The following SORL1 variants were observed in gnomAD, a reference collection of about 807,000 sequenced individuals.
SORL1 encodes sortilin-related receptor.
SORL1 carries 127 observed loss-of-function variants against 273.7 expected under a neutral mutation model. The observed-to-expected ratio is 0.46, with a 90% confidence interval of 0.40 to 0.54. The LOEUF (loss-of-function observed/expected upper bound fraction) is 0.54, where lower values mean the gene tolerates loss of function less well. Ranked by LOEUF, SORL1 falls within the 20% of genes least tolerant of loss-of-function variation. SORL1 has a pLI of 0.00. For missense variants in SORL1, 2,494 were observed against 2,846.1 expected (o/e 0.88, Z 2.81); for synonymous variants, 1,031 against 1,067.4 (o/e 0.97, Z 0.66).
chr11:121,625,061 G>T, intron 45 of SORL1, 24 bp from the exon 46 acceptor site: 1 of 1,557,206 alleles, frequency 6.4e-7, no homozygotes, highest in South Asian at 1.2e-5. Context: ...GACTTCCTGA[G>T]CAATCTCTTG....
chr11:121,485,812 A>C (rs1389959051), intron 3 of SORL1, among the ~76,000 whole-genome samples: 2 of 152,240 alleles, frequency 1.3e-5, no homozygotes, highest in Non-Finnish European at 2.9e-5. Flanking sequence ...TTTTTATAAC[A>C]TTGCATTTTA....
chr11:121,550,810 CT>C lies in SORL1; in HGVS notation c.2266+144del, dbSNP rs1862498365. 3 of 659,922 alleles carry C rather than the reference CT, an allele frequency of 4.5e-6. No individual in the cohort carries two copies. In the East Asian group the frequency reaches 8.4e-5, roughly 18 times the overall value. The allele number at this position is 659,922 out of a possible 1,614,324, so 40.9% of individuals were successfully genotyped here. ...CGTCACAAGCATCACAGGGCTTCCT[CT>C]TTTCCCTAAGGTTGGTTTCCACACT... On this transcript the variant is annotated intron_variant, in intron 16 of 47. Transcript: ENST00000260197. This position sits in a 1 kb window ranked among gnomAD's most constrained non-coding sequence, Gnocchi z 5.3.
At chr11:121,614,052 G>A (rs2134937131) in intron 40 of SORL1, among the ~76,000 whole-genome samples, 1 of 152,288 alleles carries the variant, frequency 6.6e-6, no homozygotes, top group East Asian at 1.9e-4. Flanking sequence ...TATAGAGTCA[G>A]GCCTTAAACC....
At position 121,621,088 on chromosome 11, in the gene SORL1, C is replaced by A; in HGVS notation, c.5914C>A (p.Leu1972Ile). Reference sequence around the variant, plus strand: ...GTTGTATGCAGTTGCAGTCAAAGATCTCATAAGAAAGACTGACAGGAGCTA... The same window carrying A: ...GTTGTATGCAGTTGCAGTCAAAGATATCATAAGAAAGACTGACAGGAGCTA... ...DLLYAVAVKD[L>I]IRKTDRSYKV... Residue 1972 changes from leucine to isoleucine, a missense_variant, in exon 44 of 48, where the codon CTC (leucine) becomes ATC (isoleucine). By Grantham distance (5) the Leu-to-Ile change is conservative. Transcript: ENST00000260197. 2 of 1,611,288 alleles carry A rather than the reference C, an allele frequency of 1.2e-6. No individual in the cohort carries two copies. The highest frequency in any genetic ancestry group is 4.5e-5 in the East Asian group (2 of 44,836).
intron 12 of SORL1, among the ~76,000 whole-genome samples, chr11:121,538,065 T>G (rs1862292247): frequency 6.6e-6 from 1 of 152,216 alleles, no homozygotes; most frequent in South Asian, 2.1e-4. Flanking sequence ...CCCAATAGCC[T>G]GAAACATGCA....
At chr11:121,496,764 A>C in intron 5 of SORL1, 105 bp from the exon 6 acceptor site, 1 of 869,692 alleles carries the variant, frequency 1.1e-6, no homozygotes, top group South Asian at 1.7e-5. Flanking sequence ...TGTGGGTCAC[A>C]CCATGGTAGG....
rs1862630991 is a variant in SORL1 at position 121,558,774 on chromosome 11, T to C, written c.2847T>C (p.Ser949=). Residue 949 remains serine, a synonymous_variant, in exon 20 of 48, where the codon AGT becomes AGC. Transcript: ENST00000260197. ...YLECIERITF[S]GQQRSVILDN... is the part of the protein sequence containing the mutation. ...AGTGCATAGAGCGGATCACGTTCAGTGGCCAGCAGCGCTCTGTCATTCTGG... is the reference window on the plus strand; with the variant it reads ...AGTGCATAGAGCGGATCACGTTCAGCGGCCAGCAGCGCTCTGTCATTCTGG... 3 of 1,614,144 alleles carry C rather than the reference T, an allele frequency of 1.9e-6. No homozygotes were observed. Among genetic ancestry groups the C allele is most frequent in the Non-Finnish European group, 2.5e-6 (3 of 1,180,020 alleles).
At chr11:121,543,843 T>A in intron 13 of SORL1, 117 bp downstream of exon 13, 1 of 914,492 alleles carries the variant, frequency 1.1e-6, no homozygotes. Context: ...TTGGGGGAGA[T>A]GGGCCCATAA....
chr11:121,522,998 C>G lies in SORL1; in HGVS notation c.1596+9C>G. 1.3e-6 allele frequency: 2 copies of G among 1,594,642 alleles called. No homozygotes were observed. Among genetic ancestry groups the G allele is most frequent in the Admixed American group, 1.7e-5 (1 of 59,998 alleles). Reference sequence around the variant, plus strand: ...GAGCCAGGTGGCGAGAGGTCAGCCCCCTCCCCCAATCCCGTCCCCTCCACC... The same window carrying G: ...GAGCCAGGTGGCGAGAGGTCAGCCCGCTCCCCCAATCCCGTCCCCTCCACC... On this transcript the variant is annotated intron_variant, in intron 11 of 47. Coordinates refer to ENST00000260197, the MANE Select transcript of SORL1 (RefSeq NM_003105.6).
intron 16 of SORL1, among the ~76,000 whole-genome samples, chr11:121,551,092 A>G (rs888458896): frequency 2.0e-5 from 3 of 152,226 alleles, no homozygotes; most frequent in Admixed American, 6.5e-5. Context: ...TAAAATTTTA[A>G]TGGAATTTTA....
chr11:121,458,511 G>A (rs1403793858), intron 1 of SORL1, among the ~76,000 whole-genome samples: 1 of 152,162 alleles, frequency 6.6e-6, no homozygotes, highest in Non-Finnish European at 1.5e-5. Context: ...TCCAGAGGTG[G>A]TCTGGGCTGT....
chr11:121,530,983 T>C (rs889044412), intron 11 of SORL1, among the ~76,000 whole-genome samples: 12 of 152,250 alleles, frequency 7.9e-5, no homozygotes, highest in African/African-American at 1.9e-4. Context: ...TTTTCTGTTA[T>C]AAAATTTGTT....
At chr11:121,575,225 T>C (rs1259012329) in intron 24 of SORL1, among the ~76,000 whole-genome samples, 2 of 152,228 alleles carry the variant, frequency 1.3e-5, no homozygotes, top group African/African-American at 4.8e-5. Flanking sequence ...ATGTCTCCCA[T>C]TTTCTAATCC....
Position 121,577,097 on chromosome 11 carries a change from C to T in SORL1, c.3461-184C>T, listed in dbSNP as rs543604995. The stretch of plus-strand genomic sequence containing the variant: ...TCTCAGCCCACCTGTAACCCATTTG[C>T]AGCACACTGACTGGAAGCTGTTAAA... On this transcript the variant is annotated intron_variant, in intron 24 of 47. Coordinates refer to ENST00000260197, the MANE Select transcript of SORL1 (RefSeq NM_003105.6). 99 of 1,100,458 alleles carry T rather than the reference C, an allele frequency of 9.0e-5. No individual in the cohort carries two copies. In the South Asian group the frequency reaches 1.0e-3, roughly 12 times the overall value. The allele number at this position is 1,100,458 out of a possible 1,614,324, so 68.2% of individuals were successfully genotyped here. A position where few individuals can be genotyped will look rare whatever the true frequency, so the allele number is the denominator to read the frequency against.
At chr11:121,564,012 A>T (rs1035054199) in intron 21 of SORL1, among the ~76,000 whole-genome samples, 1 of 152,232 alleles carries the variant, frequency 6.6e-6, no homozygotes, top group Admixed American at 6.5e-5. Context: ...TCCAAACAGG[A>T]AATGTGAAAA....
Position 121,545,237 on chromosome 11 carries a change from C to T in SORL1, c.1865-6C>T. On this transcript the variant is annotated splice_polypyrimidine_tract_variant and splice_region_variant and intron_variant, in intron 13 of 47. Transcript: ENST00000260197. ...AATGCTTCGTGCTGTGTTCCTTTTT[C>T]TTTAGGAGTTCCCTGCACAGAGAAT... 1 of 1,613,898 alleles carries T rather than the reference C, an allele frequency of 6.2e-7. No homozygotes were observed. Among genetic ancestry groups the T allele is most frequent in the Non-Finnish European group, 8.5e-7 (1 of 1,179,846 alleles).
intron 37 of SORL1, among the ~76,000 whole-genome samples, chr11:121,607,526 C>T (rs569790029): frequency 1.2e-4 from 19 of 152,268 alleles, no homozygotes; most frequent in South Asian, 4.2e-4. Context: ...ATGGGAATGC[C>T]GCTTTCCCTG....
intron 6 of SORL1, among the ~76,000 whole-genome samples, chr11:121,507,399 A>G (rs970890603): frequency 2.6e-5 from 4 of 152,044 alleles, no homozygotes; most frequent in African/African-American, 4.8e-5. Context: ...GACTTTGGTA[A>G]TGTGTATGTC....
At chr11:121,620,138 G>T (rs1478448358) in intron 43 of SORL1, among the ~76,000 whole-genome samples, 1 of 152,134 alleles carries the variant, frequency 6.6e-6, no homozygotes, top group East Asian at 1.9e-4. Context: ...ATTTTGGTTT[G>T]TCCCTCTTTC....
Sources: gnomAD v4.1 joint callset for allele counts (sites outside exome capture counted in the v4.1 genomes callset) on GRCh38, gnomAD v4.1.1 for gene constraint, Gnocchi (gnomAD v3.1) non-coding constraint, MANE v1.5 for transcripts, NCBI Gene and HGNC (gene_info 2026-07-23, HGNC 2026-07-21) for gene names.